CCM2: variants seen among roughly 807,000 people sequenced by gnomAD.
CCM2 encodes the protein CCM2 scaffold protein.
A neutral mutation model predicts 44.9 loss-of-function variants in CCM2; 25 were observed. That is an observed-to-expected ratio of 0.56 (90% confidence interval 0.41 to 0.78). CCM2 has a LOEUF of 0.78. Among genes scored for constraint, CCM2 ranks in the 30% least tolerant of loss-of-function variants. The pLI is 0.00. For synonymous variants in CCM2, 219 were observed against 241.1 expected, an observed-to-expected ratio of 0.91 and a Z score of 0.85; for missense variants, 481 against 580.6, an observed-to-expected ratio of 0.83 and a Z score of 1.76.
At chr7:45,057,441 G>A (rs1220652172) in intron 2 of CCM2, among the ~76,000 whole-genome samples, 4 of 152,094 alleles carry the variant, frequency 2.6e-5, no homozygotes, top group Non-Finnish European at 5.9e-5. Flanking sequence ...GATTACAGGT[G>A]TGAGCCACCG....
chr7:45,000,454 C>CGGGG lies in CCM2; in HGVS notation c.30+99_30+102dup, dbSNP rs1324793160. 158 of 82,008 alleles carry CGGGG rather than the reference C, an allele frequency of 1.9e-3. 2 individuals carry two copies. Among genetic ancestry groups the CGGGG allele is most frequent in the Non-Finnish European group, 2.4e-3 (112 of 46,854 alleles). 5.1% of individuals were successfully genotyped at this position (82,008 alleles called of 1,614,324 possible). ...GGGTGGGCGGGTGTTCCTTGGGGCCCGGGGGGGGGGGCAGTGGGCCAGCTG... is the reference window on the plus strand; with the variant it reads ...GGGTGGGCGGGTGTTCCTTGGGGCCCGGGGGGGGGGGGGGGCAGTGGGCCAGCTG... On this transcript the variant is annotated intron_variant, in intron 1 of 9. Coordinates refer to ENST00000258781, the MANE Select transcript of CCM2 (RefSeq NM_031443.4).
chr7:45,064,479 C>A lies in CCM2; in HGVS notation c.305C>A (p.Pro102Gln), dbSNP rs769607052. 1 of 1,613,212 alleles carries A rather than the reference C, an allele frequency of 6.2e-7. No homozygotes were observed. Among genetic ancestry groups the A allele is most frequent in the African/African-American group, 1.3e-5 (1 of 74,916 alleles). ...IDNAKRAHQL[P>Q]GHLTQEHDAV... Reference sequence around the variant, plus strand: ...TCCTTCCAGAGAGCCCACCAGCTTCCGGGACACTTGACTCAGGAGCACGAT... The same window carrying A: ...TCCTTCCAGAGAGCCCACCAGCTTCAGGGACACTTGACTCAGGAGCACGAT... The change falls in exon 4 of 10, where the codon CCG (proline) becomes CAG (glutamine). Residue 102 changes from proline to glutamine, a missense_variant. Transcript: ENST00000258781.
chr7:45,025,865 T>C (rs534249694), intron 1 of CCM2, among the ~76,000 whole-genome samples: 2 of 152,276 alleles, frequency 1.3e-5, no homozygotes, highest in East Asian at 3.9e-4. Flanking sequence ...TCTAGTCTTA[T>C]TTTATGGATG....
intron 1 of CCM2, among the ~76,000 whole-genome samples, chr7:45,008,054 T>G (rs1795914305): frequency 6.6e-6 from 1 of 151,098 alleles, no homozygotes; most frequent in African/African-American, 2.4e-5. Context: ...TTTTTTTTTT[T>G]TTTTTTGAGG....
At chr7:45,000,456 G>GT (rs1554353530) in intron 1 of CCM2, 93 bp downstream of exon 1, 35 of 349,284 alleles carry the variant, frequency 1.0e-4, no homozygotes, top group Non-Finnish European at 1.3e-4. Context: ...TTGGGGCCCG[G>GT]GGGGGGGGGC....
intron 1 of CCM2, among the ~76,000 whole-genome samples, chr7:45,025,975 G>A (rs986133602): frequency 6.6e-6 from 1 of 152,172 alleles, no homozygotes; most frequent in East Asian, 1.9e-4. Flanking sequence ...CATGCTGACC[G>A]TGGGGATCAC....
At chr7:45,035,586 G>C (rs1797176050) in intron 1 of CCM2, among the ~76,000 whole-genome samples, 1 of 152,196 alleles carries the variant, frequency 6.6e-6, no homozygotes, top group Non-Finnish European at 1.5e-5. Flanking sequence ...GTCAAGGGAA[G>C]ACTATTCCAG....
chr7:45,073,922 TC>T (rs1416137788), intron 8 of CCM2: 2 of 517,394 alleles, frequency 3.9e-6, no homozygotes, highest in African/African-American at 3.8e-5. Context: ...ACTCAAGTCT[TC>T]CTGATTTGCC....
intron 1 of CCM2, among the ~76,000 whole-genome samples, chr7:45,014,079 C>T (rs1796165343): frequency 6.6e-6 from 1 of 152,138 alleles, no homozygotes; most frequent in South Asian, 2.1e-4. Context: ...GTCCCAAACT[C>T]AGCCAGTGGG....
chr7:45,072,888 C>A, intron 7 of CCM2, 105 bp downstream of exon 7: 1 of 949,942 alleles, frequency 1.1e-6, no homozygotes, highest in South Asian at 1.3e-5. Flanking sequence ...AGCTCACCCT[C>A]GCTAAGCCAT....
chr7:45,028,980 C>G (rs548805094), intron 1 of CCM2, among the ~76,000 whole-genome samples: 1 of 152,248 alleles, frequency 6.6e-6, no homozygotes, highest in South Asian at 2.1e-4. Flanking sequence ...TGGCAGGTGT[C>G]TCTCTGGGAC....
At chr7:45,054,453 G>A (rs569874057) in intron 2 of CCM2, among the ~76,000 whole-genome samples, 4 of 151,692 alleles carry the variant, frequency 2.6e-5, no homozygotes, top group Non-Finnish European at 5.9e-5. Flanking sequence ...CCAATAAAGA[G>A]AAGTTATGGG....
At chr7:45,009,461 A>G (rs1299180468) in intron 1 of CCM2, among the ~76,000 whole-genome samples, 5 of 131,890 alleles carry the variant, frequency 3.8e-5, no homozygotes, top group African/African-American at 1.4e-4. Flanking sequence ...ATGGAGTGCA[A>G]TGGCGTGATT....
At chr7:45,007,104 C>T (rs1006571259) in intron 1 of CCM2, among the ~76,000 whole-genome samples, 1 of 152,200 alleles carries the variant, frequency 6.6e-6, no homozygotes, top group African/African-American at 2.4e-5. Context: ...ACCAAGTCTA[C>T]ACTGTCAACA....
At chr7:45,051,893 G>C (rs1404867125) in intron 2 of CCM2, among the ~76,000 whole-genome samples, 4 of 152,154 alleles carry the variant, frequency 2.6e-5, no homozygotes, top group Non-Finnish European at 5.9e-5. Context: ...TTTTAGTAGA[G>C]ACGGGGTTTC....
intron 2 of CCM2, among the ~76,000 whole-genome samples, chr7:45,052,221 G>C (rs191142353): frequency 6.6e-6 from 1 of 152,298 alleles, no homozygotes; most frequent in Non-Finnish European, 1.5e-5. Flanking sequence ...CTTATTGCAG[G>C]ATCAAAGGAG....
At chr7:45,071,423 T>TC (rs1304453924) in intron 6 of CCM2, 12 of 184,264 alleles carry the variant, frequency 6.5e-5, no homozygotes, top group Non-Finnish European at 1.4e-4. Flanking sequence ...TGCCAGCCTT[T>TC]CCCAAGACCT....
At chr7:45,067,866 G>C (rs1798859840) in intron 4 of CCM2, 1 of 166,336 alleles carries the variant, frequency 6.0e-6, no homozygotes, top group Admixed American at 5.7e-5. Flanking sequence ...GTCCTCCCAG[G>C]GTGGTCCGAA....
chr7:45,006,076 G>T (rs1795835007), intron 1 of CCM2, among the ~76,000 whole-genome samples: 1 of 152,248 alleles, frequency 6.6e-6, no homozygotes, highest in African/African-American at 2.4e-5. Flanking sequence ...AGGAAGTGGA[G>T]CCCGGGGATG....
Sources: gnomAD v4.1 joint callset for allele counts (sites outside exome capture counted in the v4.1 genomes callset) on GRCh38, gnomAD v4.1.1 for gene constraint, MANE v1.5 for transcripts, NCBI Gene and HGNC (gene_info 2026-07-23, HGNC 2026-07-21) for gene names.